The following C2 variants were observed in gnomAD, a reference collection of about 807,000 sequenced individuals.
The protein encoded by C2 is complement C2.
A neutral mutation model predicts 85.2 loss-of-function variants in C2; 64 were observed. The observed-to-expected ratio is 0.75, with a 90% confidence interval of 0.61 to 0.92. C2 has a LOEUF of 0.92. Among genes scored for constraint, C2 ranks in the 40% least tolerant of loss-of-function variants. C2 has a pLI of 0.00. For synonymous variants in C2, 311 were observed against 370.8 expected (o/e 0.84, Z 1.85); for missense variants, 820 against 971.6 (o/e 0.84, Z 2.07).
At chr6:31,937,532 T>C in intron 8 of C2, 73 bp downstream of exon 8, 1 of 1,582,462 alleles carries the variant, frequency 6.3e-7, no homozygotes, top group Non-Finnish European at 8.7e-7. Flanking sequence ...AGCCCTGAAT[T>C]CTGATTCTCC....
At position 31,903,108 on chromosome 6, in the gene C2, C is replaced by T. The variant is rs574248975; in HGVS notation, c.73+1969C>T. Among the ~76,000 whole-genome samples, 18 of 152,294 alleles carry T rather than the reference C, an allele frequency of 1.2e-4. No individual in the cohort carries two copies. In the South Asian group the frequency reaches 3.3e-3, roughly 28 times the overall value. ...TTGAAGGCTGGTGCCTTCCCTTCCA[C>T]TTCCTCGTACCTACACCCACTTCCC... On this transcript the variant is annotated intron_variant, in intron 1 of 3. Coordinates refer to the C2 transcript ENST00000452202.
At chr6:31,939,363 GAGGTCAT>G in intron 9 of C2, 43 bp downstream of exon 9, 1 of 1,391,458 alleles carries the variant, frequency 7.2e-7, no homozygotes, top group Non-Finnish European at 1.0e-6. Context: ...TGCTCCTGCA[GAGGTCAT>G]GAGATCTTCA....
Position 31,944,314 on chromosome 6 carries a change from C to T in C2, c.1902+88C>T. 1 of 948,028 alleles carries T rather than the reference C, an allele frequency of 1.1e-6. No individual in the cohort carries two copies. Among genetic ancestry groups the T allele is most frequent in the Middle Eastern group, 2.4e-4 (1 of 4,102 alleles). The allele number at this position is 948,028 out of a possible 1,614,324, so 58.7% of individuals were successfully genotyped here. ...CCTTCTCCAGGTCTGGCTGCTTTCT[C>T]TCTCTGACGCGGGTCACCCCTCCTC... is the stretch of plus-strand genomic sequence containing the variant. On this transcript the variant is annotated intron_variant, in intron 15 of 17. Transcript: ENST00000299367. The surrounding 1 kb of genome is among the most constrained non-coding windows in gnomAD (Gnocchi z 5.1).
chr6:31,920,855 G>A lies in C2; in HGVS notation c.-100+829G>A, dbSNP rs993906327. Among the ~76,000 whole-genome samples the A allele has an allele frequency of 6.6e-6, 1 of 152,182 alleles. No individual in the cohort carries two copies. The highest frequency in any genetic ancestry group is 2.4e-5 in the African/African-American group (1 of 41,422). ...CTCGTTCCATTCTCAGGAATTGTTT[G>A]TGCAATGGATGGACAAGGACAGGAG... On this transcript the variant is annotated intron_variant, in intron 1 of 3. Coordinates refer to the C2 transcript ENST00000413154. The surrounding 1 kb of genome is among the most constrained non-coding windows in gnomAD (Gnocchi z 5.6).
intron 1 of C2, among the ~76,000 whole-genome samples, chr6:31,910,340 A>ATTT (rs1209105027): frequency 7.3e-6 from 1 of 137,112 alleles, no homozygotes. Flanking sequence ...TCCTTTGCTC[A>ATTT]TTTTTTTTTT....
upstream of C2, among the ~76,000 whole-genome samples, chr6:31,923,955 G>A (rs929179546): frequency 4.0e-5 from 6 of 151,000 alleles, no homozygotes; most frequent in Non-Finnish European, 7.4e-5. Flanking sequence ...GCCTGCCACC[G>A]CGCCCGGCTA....
upstream of C2, among the ~76,000 whole-genome samples, chr6:31,918,669 GT>G (rs1416622080): frequency 5.3e-5 from 8 of 151,900 alleles, no homozygotes; most frequent in East Asian, 1.5e-3. Context: ...GGAGGCCGAG[GT>G]GGGCGGATCA....
chr6:31,942,681 G>T (rs906643967), intron 9 of C2, among the ~76,000 whole-genome samples: 3 of 152,202 alleles, frequency 2.0e-5, no homozygotes, highest in Non-Finnish European at 4.4e-5. Flanking sequence ...GGAAGTCTGG[G>T]GGGGAGGAGT....
Position 31,928,739 on chromosome 6 carries a change from C to T in C2, c.264C>T (p.Arg88=). 1 of 1,614,238 alleles carries T rather than the reference C, an allele frequency of 6.2e-7. No individual in the cohort carries two copies. Among genetic ancestry groups the T allele is most frequent in the Non-Finnish European group, 8.5e-7 (1 of 1,180,032 alleles). The change falls in exon 3 of 18, where the codon CGC becomes CGT. Residue 88 remains arginine, a synonymous_variant. Coordinates refer to ENST00000299367, the MANE Select transcript of C2 (RefSeq NM_000063.6). Reference sequence around the variant, plus strand: ...CACTTCCTCTCTCTCCAGCTGTGCGCTGTCCAGCCCCTGTCTCCTTTGAGA... The same window carrying T: ...CACTTCCTCTCTCTCCAGCTGTGCGTTGTCCAGCCCCTGTCTCCTTTGAGA... ...SLSKAVCKPV[R]CPAPVSFENG...
At chr6:31,939,374 A>G in intron 9 of C2, 54 bp downstream of exon 9, 1 of 1,303,024 alleles carries the variant, frequency 7.7e-7, no homozygotes, top group Non-Finnish European at 1.1e-6. Flanking sequence ...AGGTCATGAG[A>G]TCTTCAGCCA....
In C2 at chr6:31,934,178, G is replaced by A. The variant is rs201130773; in HGVS notation, c.728G>A (p.Arg243His). 6.8e-6 allele frequency: 11 copies of A among 1,614,206 alleles called. No homozygotes were observed. The highest frequency in any genetic ancestry group is 9.3e-6 in the Non-Finnish European group (11 of 1,180,024). ...CACATTTCTCCAGAAAGCCTGGGCC[G>A]TAAAATCCAAATCCAGCGCTCTGGT... The part of the protein sequence containing the change: ...PTQKTKESLG[R>H]KIQIQRSGHL... The change falls in exon 6 of 18, where the codon CGT becomes CAT. Residue 243 changes from arginine (R) to histidine (H), a missense_variant. By Grantham distance (29) the Arg-to-His change is conservative. Transcript: ENST00000299367.
intron 6 of C2, chr6:31,934,517 G>A: frequency 7.7e-7 from 1 of 1,304,748 alleles, no homozygotes; most frequent in Non-Finnish European, 1.1e-6. Flanking sequence ...CTGGGCGACA[G>A]CAAAGATGGA....
intron 1 of C2, among the ~76,000 whole-genome samples, chr6:31,902,249 C>T (rs1189337247): frequency 6.6e-6 from 1 of 151,760 alleles, no homozygotes; most frequent in East Asian, 1.9e-4. Flanking sequence ...TTCTCGCTCC[C>T]CCTCCTCTGT....
At position 31,943,357 on chromosome 6, in the gene C2, T is replaced by C. The variant is rs912631997; in HGVS notation, c.1455+38T>C. 1.2e-6 allele frequency: 2 copies of C among 1,609,052 alleles called. No homozygotes were observed. Among genetic ancestry groups the C allele is most frequent in the South Asian group, 1.1e-5 (1 of 91,014 alleles). ...AGGGGCAGGGCTTGGATTCCAGAGGTAAAAGCGGCCATGGGCCAGACATAC... is the reference window on the plus strand; with the variant it reads ...AGGGGCAGGGCTTGGATTCCAGAGGCAAAAGCGGCCATGGGCCAGACATAC... On this transcript the variant is annotated intron_variant, in intron 11 of 17. Transcript: ENST00000299367. This position sits in a 1 kb window ranked among gnomAD's most constrained non-coding sequence, Gnocchi z 6.4.
In C2 at chr6:31,901,140, G is replaced by A. The variant is rs1232633169; in HGVS notation, c.73+1G>A. ...AGCAGGAACTGGTCCCGCAGGAAGG[G>A]TGAGCAGGCGGCCAAGATGACCTTG... is the stretch of plus-strand genomic sequence containing the variant. On this transcript the variant is annotated splice_donor_variant, in intron 1 of 3. Transcript: ENST00000452202. LOFTEE classifies it high-confidence loss of function. 1.2e-6 allele frequency: 2 copies of A among 1,613,896 alleles called. No homozygotes were observed. Among genetic ancestry groups the A allele is most frequent in the Admixed American group, 1.7e-5 (1 of 60,032 alleles).
upstream of C2, among the ~76,000 whole-genome samples, chr6:31,923,523 A>G (rs945998667): frequency 6.6e-6 from 1 of 150,780 alleles, no homozygotes; most frequent in Non-Finnish European, 1.5e-5. Context: ...TTGCTCTGTC[A>G]CCCAGGCTGG....
chr6:31,938,401 C>T (rs1454880091), intron 8 of C2, among the ~76,000 whole-genome samples: 1 of 150,904 alleles, frequency 6.6e-6, no homozygotes, highest in African/African-American at 2.4e-5. Context: ...AGCACCTGGC[C>T]TGGTGCCTGG....
At chr6:31,913,798 C>G (rs969134984) in intron 1 of C2, among the ~76,000 whole-genome samples, 1 of 151,960 alleles carries the variant, frequency 6.6e-6, no homozygotes, top group Non-Finnish European at 1.5e-5. Flanking sequence ...AGGCACCACA[C>G]CCGGCTAATT....
At chr6:31,906,362 T>A (rs569395190) in intron 1 of C2, among the ~76,000 whole-genome samples, 1 of 151,820 alleles carries the variant, frequency 6.6e-6, no homozygotes, top group East Asian at 1.9e-4. Context: ...CAGAGCTCCT[T>A]ATCCCTAGCT....
Sources: gnomAD v4.1 joint callset for allele counts (sites outside exome capture counted in the v4.1 genomes callset) on GRCh38, gnomAD v4.1.1 for gene constraint, Gnocchi (gnomAD v3.1) non-coding constraint, MANE v1.5 for transcripts, NCBI Gene and HGNC (gene_info 2026-07-23, HGNC 2026-07-21) for gene names.